UTP14A: variants seen among roughly 807,000 people sequenced by gnomAD.
UTP14A encodes the protein UTP14A small subunit processome component.
Under a neutral mutation model 57.2 loss-of-function variants are expected in UTP14A, and 5 were observed. The ratio of observed to expected loss-of-function variants is 0.09; its 90% CI spans 0.05 to 0.18. UTP14A has a LOEUF of 0.18. Among genes scored for constraint, UTP14A ranks in the 10% least tolerant of loss-of-function variants. The pLI is 1.00. For synonymous variants in UTP14A, 169 were observed against 210.9 expected (o/e 0.80, Z 1.72); for missense variants, 430 against 562.1 (o/e 0.76, Z 2.38).
At chrX:129,918,693 C>A (rs1313714856) in intron 6 of UTP14A, among the ~76,000 whole-genome samples, 2 of 110,383 alleles carry the variant, frequency 1.8e-5, no homozygotes, top group Admixed American at 9.7e-5. Context: ...CCGGCTAACA[C>A]GGTGAAACCC....
At chrX:129,927,758 C>T (rs770946978) in intron 14 of UTP14A, among the ~76,000 whole-genome samples, 15 of 111,883 alleles carry the variant, frequency 1.3e-4, no homozygotes, top group South Asian at 3.7e-4. Flanking sequence ...CTGCCTGCCT[C>T]GGTCTCCCAA....
intron 6 of UTP14A, among the ~76,000 whole-genome samples, chrX:129,912,482 T>G (rs975856720): frequency 9.1e-6 from 1 of 110,126 alleles, no homozygotes; most frequent in East Asian, 2.8e-4. Flanking sequence ...GTTTTTGTGT[T>G]AAACCATGTG....
intron 6 of UTP14A, among the ~76,000 whole-genome samples, chrX:129,915,509 A>G (rs1300507435): frequency 1.1e-5 from 1 of 93,372 alleles, no homozygotes; most frequent in African/African-American, 4.3e-5. Context: ...TGGGCGACAG[A>G]GCGAGACTCT....
At position 129,929,501 on chromosome X, in the gene UTP14A, G is replaced by A. The variant is rs1569342352; in HGVS notation, c.2209G>A (p.Val737Met). The stretch of plus-strand genomic sequence containing the variant: ...CATTAACCCCATAAAAGCAGAAGAC[G>A]TGGGCTACCGGTCTTCCTCAAGGTC... The part of the protein sequence containing the change: ...HIINPIKAED[V>M]GYRSSSRSDL... The change falls in exon 15 of 15, where the codon GTG becomes ATG. Residue 737 changes from valine (V) to methionine (M), a missense_variant. Transcript: ENST00000394422. 6 of 1,211,462 alleles carry A rather than the reference G, an allele frequency of 5.0e-6. No individual in the cohort carries two copies. The highest frequency in any genetic ancestry group is 5.6e-6 in the Non-Finnish European group (5 of 895,470).
intron 12 of UTP14A, 38 bp downstream of exon 12, chrX:129,925,233 G>A (rs1290548623): frequency 1.7e-6 from 2 of 1,183,281 alleles, no homozygotes; most frequent in South Asian, 1.9e-5. Flanking sequence ...TGTTCAGAAA[G>A]TGTCGTTCTT....
Position 129,908,546 on chromosome X carries a change from A to C in UTP14A, c.174-124A>C. 4.4e-6 allele frequency: 3 copies of C among 677,830 alleles called. No homozygotes were observed. In the South Asian group the frequency reaches 7.3e-5, roughly 17 times the overall value. The allele number at this position is 677,830 out of a possible 1,213,427, so 55.9% of individuals were successfully genotyped here. A position where few individuals can be genotyped will look rare whatever the true frequency, so the allele number is the denominator to read the frequency against. On this transcript the variant is annotated intron_variant, in intron 3 of 14. Coordinates refer to ENST00000394422, the MANE Select transcript of UTP14A (RefSeq NM_006649.4). ...GATCTCCTTGCTGCATCATGACAAA[A>C]CATGACCCTAGAAGAAATACAAGAA...
In UTP14A at chrX:129,929,221, GTCA is replaced by G. The variant is rs775412000; in HGVS notation, c.2044-110_2044-108del. 1,428 of 935,917 alleles carry G rather than the reference GTCA, an allele frequency of 1.5e-3. 8 individuals carry two copies. In the African/African-American group the frequency reaches 0.025, roughly 17 times the overall value. The allele number at this position is 935,917 out of a possible 1,213,427, so 77.1% of individuals were successfully genotyped here. On this transcript the variant is annotated intron_variant, in intron 14 of 14. Coordinates refer to ENST00000394422, the MANE Select transcript of UTP14A (RefSeq NM_006649.4). Reference sequence around the variant, plus strand: ...TGACCTCTCAGTCTCTTCACTTGCAGTCATCATGTGGAACCGTGGCCTGTACCA... The same window carrying G: ...TGACCTCTCAGTCTCTTCACTTGCAGTCATGTGGAACCGTGGCCTGTACCA...
Position 129,921,574 on chromosome X carries a change from T to G in UTP14A, c.1335T>G (p.Ser445Arg), listed in dbSNP as rs767130351. 1 of 1,206,836 alleles carries G rather than the reference T, an allele frequency of 8.3e-7. No homozygotes were observed. Among genetic ancestry groups the G allele is most frequent in the South Asian group, 1.8e-5 (1 of 56,496 alleles). The change falls in exon 11 of 15, where the codon AGT (serine) becomes AGG (arginine). Residue 445 changes from serine to arginine, a missense_variant. This residue lies in a region of UTP14A where 120 missense variants were observed against 116.8 expected (regional missense o/e 1.03). Transcript: ENST00000394422. Reference protein sequence around the residue: ...ELSQDAEPAGSQETKDSGSQE... With the variant: ...ELSQDAEPAGRQETKDSGSQE... ...GCCAAGATGCTGAGCCAGCAGGCAG[T>G]CAAGAAACAAAAGGTGAGCTGTGAT...
intron 6 of UTP14A, 133 bp from the exon 7 acceptor site, chrX:129,919,042 T>C (rs1462166552): frequency 1.0e-6 from 1 of 977,895 alleles, no homozygotes; most frequent in African/African-American, 1.9e-5. Context: ...CCCCCTTCTC[T>C]TGCTGTAACA....
chrX:129,913,802 G>A (rs1177194211), intron 6 of UTP14A, among the ~76,000 whole-genome samples: 4 of 111,054 alleles, frequency 3.6e-5, no homozygotes, highest in Admixed American at 9.6e-5. Flanking sequence ...CCAACATGGC[G>A]AAACCCCATC....
chrX:129,921,127 T>C (rs1234236868), intron 10 of UTP14A, 67 bp from the exon 11 acceptor site: 1 of 1,145,999 alleles, frequency 8.7e-7, no homozygotes, highest in Non-Finnish European at 1.2e-6. Context: ...CTTTATGAAA[T>C]GGACCAGGAA....
chrX:129,925,237 C>G, intron 12 of UTP14A, 42 bp downstream of exon 12: 2 of 1,177,235 alleles, frequency 1.7e-6, no homozygotes, highest in Non-Finnish European at 2.3e-6. Context: ...CAGAAAGTGT[C>G]GTTCTTGCGC....
chrX:129,929,250 A>C (rs1930229040), intron 14 of UTP14A, 86 bp from the exon 15 acceptor site: 2 of 1,113,843 alleles, frequency 1.8e-6, no homozygotes, highest in South Asian at 2.1e-5. Context: ...GCCTGTACCA[A>C]AACAGTACCT....
intron 6 of UTP14A, among the ~76,000 whole-genome samples, chrX:129,915,836 A>G (rs903947651): frequency 9.1e-6 from 1 of 109,355 alleles, no homozygotes; most frequent in Non-Finnish European, 1.9e-5. Flanking sequence ...ATTTGACACC[A>G]TTGGCACATT....
chrX:129,907,021 A>T (rs148070800), intron 1 of UTP14A, among the ~76,000 whole-genome samples: 1,306 of 110,458 alleles, frequency 0.012, 17 homozygotes, highest in African/African-American at 0.04. Context: ...ACAGCTTCCC[A>T]TAGGTCATAG....
chrX:129,916,260 C>A (rs1387417503), intron 6 of UTP14A, among the ~76,000 whole-genome samples: 1 of 111,168 alleles, frequency 9.0e-6, no homozygotes, highest in Admixed American at 9.6e-5. Context: ...TTTCGACTAT[C>A]ACTCTCAACC....
At position 129,929,323 on chromosome X, in the gene UTP14A, C is replaced by T. The variant is rs757759680; in HGVS notation, c.2044-13C>T. 8.3e-7 allele frequency: 1 copy of T among 1,207,251 alleles called. No homozygotes were observed. The highest frequency in any genetic ancestry group is 1.1e-6 in the Non-Finnish European group (1 of 892,568). ...GGCCTGCCTCATACCAAATCATTCTCCTTCCTTTCCAGGTACGAGTGCTTC... is the reference window on the plus strand; with the variant it reads ...GGCCTGCCTCATACCAAATCATTCTTCTTCCTTTCCAGGTACGAGTGCTTC... On this transcript the variant is annotated splice_polypyrimidine_tract_variant and intron_variant, in intron 14 of 14. Coordinates refer to ENST00000394422, the MANE Select transcript of UTP14A (RefSeq NM_006649.4).
chrX:129,916,647 A>G (rs752883269), intron 6 of UTP14A, among the ~76,000 whole-genome samples: 3 of 111,771 alleles, frequency 2.7e-5, no homozygotes, highest in Non-Finnish European at 3.8e-5. Flanking sequence ...GGAACTTTAC[A>G]TATATCCTCT....
chrX:129,909,391 A>G (rs1709105612), intron 4 of UTP14A, among the ~76,000 whole-genome samples: 1 of 110,128 alleles, frequency 9.1e-6, no homozygotes, highest in African/African-American at 3.3e-5. Context: ...TTGTATTTTT[A>G]GTAGAGACGG....
Sources: gnomAD v4.1 joint callset for allele counts (sites outside exome capture counted in the v4.1 genomes callset) on GRCh38, gnomAD v4.1.1 for gene constraint, gnomAD v4.1.1 regional missense constraint, MANE v1.5 for transcripts, NCBI Gene and HGNC (gene_info 2026-07-23, HGNC 2026-07-21) for gene names.